FMO1: variants seen among roughly 807,000 people sequenced by gnomAD.
The protein encoded by FMO1 is flavin-containing monooxygenase 1.
A neutral mutation model predicts 45.4 loss-of-function variants in FMO1; 36 were observed. The observed-to-expected ratio is 0.79, with a 90% CI of 0.61 to 1.05. The LOEUF is 1.05. Among genes scored for constraint, FMO1 ranks in the 50% least tolerant of loss-of-function variants. The pLI is 0.00. For synonymous variants in FMO1, 228 were observed against 227.2 expected (o/e 1.00, Z -0.03); for missense variants, 615 against 640.3 (o/e 0.96, Z 0.43).
At chr1:171,260,658 C>T (rs1035912447) in intron 2 of FMO1, among the ~76,000 whole-genome samples, 64 of 152,060 alleles carry the variant, frequency 4.2e-4, no homozygotes, top group Middle Eastern at 3.4e-3. Context: ...CAGCCAGGCA[C>T]GGTGGCTCAC....
At chr1:171,281,951 C>T in intron 6 of FMO1, 27 bp from the exon 7 acceptor site, 2 of 1,395,458 alleles carry the variant, frequency 1.4e-6, no homozygotes, top group East Asian at 2.3e-5. Context: ...ACTGACAAGT[C>T]TCCTCCCTGT....
chr1:171,256,357 T>C (rs939473680), intron 1 of FMO1, among the ~76,000 whole-genome samples: 4 of 151,870 alleles, frequency 2.6e-5, no homozygotes, highest in African/African-American at 7.3e-5. Flanking sequence ...TAAGTCATTT[T>C]CCTATATCAC....
In FMO1 at chr1:171,258,143, A is replaced by G. The variant is rs1252429240; in HGVS notation, c.56A>G (p.Lys19Arg). Residue 19 changes from lysine (K) to arginine (R), a missense_variant, in exon 2 of 9, where the codon AAG (lysine) becomes AGG (arginine). Transcript: ENST00000617670. ...GAGVSGLASI[K>R]CCLEEGLEPT... ...GGGGTCAGCGGCCTGGCCTCCATCA[A>G]GTGCTGTCTGGAAGAAGGACTGGAG... 1 of 1,614,168 alleles carries G rather than the reference A, an allele frequency of 6.2e-7. No individual in the cohort carries two copies. Among genetic ancestry groups the G allele is most frequent in the Non-Finnish European group, 8.5e-7 (1 of 1,180,018 alleles).
chr1:171,274,090 G>A (rs112531433), intron 3 of FMO1, among the ~76,000 whole-genome samples: 3,012 of 151,210 alleles, frequency 0.02, 113 homozygotes, highest in African/African-American at 0.069. Context: ...CGGAGATTGC[G>A]GTGAGCCGAG....
At chr1:171,249,414 C>T (rs148640951) in intron 1 of FMO1, among the ~76,000 whole-genome samples, 5 of 152,196 alleles carry the variant, frequency 3.3e-5, no homozygotes, top group Admixed American at 2.6e-4. Context: ...TTTTTATTTG[C>T]TTGTTGTGGT....
At chr1:171,257,594 TG>T (rs1660213412) in intron 1 of FMO1, 1 of 180,794 alleles carries the variant, frequency 5.5e-6, no homozygotes, top group Admixed American at 5.4e-5. Context: ...ACAGGTGTGG[TG>T]GCTCCTGGTC....
Position 171,285,373 on chromosome 1 carries a change from T to G in FMO1, c.1428T>G (p.Thr476=), listed in dbSNP as rs755069606. The change falls in exon 9 of 9, where the codon ACT becomes ACG. Residue 476 remains threonine (T), a synonymous_variant. Transcript: ENST00000617670. Reference sequence around the variant, plus strand: ...GCTCACCATACCAGTTCCGCTTGACTGGCCCAGGAAAATGGGAAGGAGCCA... The same window carrying G: ...GCTCACCATACCAGTTCCGCTTGACGGGCCCAGGAAAATGGGAAGGAGCCA... ...GPCSPYQFRL[T]GPGKWEGARN... 1 of 1,613,930 alleles carries G rather than the reference T, an allele frequency of 6.2e-7. No individual in the cohort carries two copies. Among genetic ancestry groups the G allele is most frequent in the Non-Finnish European group, 8.5e-7 (1 of 1,179,936 alleles).
chr1:171,254,547 C>T (rs1660063025), intron 1 of FMO1, among the ~76,000 whole-genome samples: 1 of 152,074 alleles, frequency 6.6e-6, no homozygotes, highest in South Asian at 2.1e-4. Context: ...AAGAAAATGC[C>T]TACTTTGGGG....
chr1:171,250,899 A>G (rs1659858724), intron 1 of FMO1, among the ~76,000 whole-genome samples: 1 of 152,194 alleles, frequency 6.6e-6, no homozygotes, highest in Non-Finnish European at 1.5e-5. Context: ...TTTATTAAAT[A>G]TCTATGCTGG....
chr1:171,258,312 C>A, intron 2 of FMO1, 93 bp downstream of exon 2: 2 of 1,476,898 alleles, frequency 1.4e-6, no homozygotes, highest in Non-Finnish European at 1.9e-6. Flanking sequence ...GGGTTGGTGG[C>A]CTTGAGGAAG....
chr1:171,254,716 C>A (rs1459296810), intron 1 of FMO1, among the ~76,000 whole-genome samples: 1 of 152,198 alleles, frequency 6.6e-6, no homozygotes, highest in South Asian at 2.1e-4. Context: ...CCTCCAGCCC[C>A]TACTCTCAGT....
Position 171,285,521 on chromosome 1 carries a change from G to C in FMO1, c.1576G>C (p.Ala526Pro). The stretch of plus-strand genomic sequence containing the variant: ...CTTTAGCTTTCTGGCTTTGCTTGTG[G>C]CTATTTTTCTGATTTTCCTATAAGT... Reference protein sequence around the residue: ...KVFSFLALLVAIFLIFL With the variant: ...KVFSFLALLVPIFLIFL The change falls in exon 9 of 9, where the codon GCT becomes CCT. Residue 526 changes from alanine (A) to proline (P), a missense_variant. Transcript: ENST00000617670. 1 of 1,506,656 alleles carries C rather than the reference G, an allele frequency of 6.6e-7. No individual in the cohort carries two copies. Among genetic ancestry groups the C allele is most frequent in the Non-Finnish European group, 8.9e-7 (1 of 1,128,768 alleles). 93.3% of individuals were successfully genotyped at this position (1,506,656 alleles called of 1,614,324 possible).
chr1:171,256,770 A>G (rs1307418509), intron 1 of FMO1, among the ~76,000 whole-genome samples: 1 of 152,212 alleles, frequency 6.6e-6, no homozygotes, highest in African/African-American at 2.4e-5. Flanking sequence ...ACAAAAAAAG[A>G]TGCATATCCA....
intron 3 of FMO1, among the ~76,000 whole-genome samples, chr1:171,273,797 A>G (rs1459384679): frequency 1.3e-5 from 2 of 152,184 alleles, no homozygotes; most frequent in Non-Finnish European, 2.9e-5. Flanking sequence ...GATTATAGGC[A>G]TGAGCCACTG....
intron 1 of FMO1, among the ~76,000 whole-genome samples, chr1:171,248,917 G>A (rs189908328): frequency 2.0e-5 from 3 of 150,722 alleles, no homozygotes; most frequent in Admixed American, 2.0e-4. Flanking sequence ...AGATTATTAA[G>A]TGGTTGAATC....
At chr1:171,249,944 G>A (rs1008636515) in intron 1 of FMO1, among the ~76,000 whole-genome samples, 16 of 151,932 alleles carry the variant, frequency 1.1e-4, no homozygotes, top group African/African-American at 3.1e-4. Context: ...AAATAAACTC[G>A]GAAAATAAAA....
At chr1:171,268,870 G>C (rs1660729105) in intron 3 of FMO1, among the ~76,000 whole-genome samples, 3 of 152,212 alleles carry the variant, frequency 2.0e-5, no homozygotes. Context: ...TCCACATGTT[G>C]TGGGAGGGAC....
In FMO1 at chr1:171,282,093, A is replaced by G; in HGVS notation, c.943A>G (p.Asn315Asp). 1 of 1,613,910 alleles carries G rather than the reference A, an allele frequency of 6.2e-7. No homozygotes were observed. The highest frequency in any genetic ancestry group is 1.7e-5 in the Admixed American group (1 of 60,000). The change falls in exon 7 of 9, where the codon AAT becomes GAT. Residue 315 changes from asparagine to aspartate, a missense_variant. By Grantham distance (23) the Asn-to-Asp change is conservative. Coordinates refer to ENST00000617670, the MANE Select transcript of FMO1 (RefSeq NM_001282693.2). ...EVKENSVIFN[N>D]TSKEEPIDII... ...AAAGGAAAACTCTGTCATATTTAAC[A>G]ATACTTCAAAGGAAGAGCCTATTGA... is the stretch of plus-strand genomic sequence containing the variant.
chr1:171,273,904 ACCT>A (rs1288259907), intron 3 of FMO1, among the ~76,000 whole-genome samples: 1 of 152,118 alleles, frequency 6.6e-6, no homozygotes, highest in East Asian at 1.9e-4. Context: ...AGTGGCCCAC[ACCT>A]GTAATCCCAG....
Sources: allele counts gnomAD v4.1 joint callset (sites outside exome capture counted in the v4.1 genomes callset), GRCh38; gene constraint gnomAD v4.1.1; transcripts MANE v1.5; gene names NCBI Gene and HGNC (gene_info 2026-07-23, HGNC 2026-07-21).